NXNL2: variants seen among roughly 807,000 people sequenced by gnomAD.
The protein encoded by NXNL2 is nucleoredoxin-like protein 2.
A neutral mutation model predicts 11.1 loss-of-function variants in NXNL2; 7 were observed. That is an observed-to-expected ratio of 0.63 (90% CI 0.36 to 1.18). NXNL2 has a LOEUF of 1.18. NXNL2 is among the 50% of genes most tolerant of loss of function. The pLI, the probability that NXNL2 is intolerant of heterozygous loss-of-function variation, is 0.02. For synonymous variants in NXNL2, 109 were observed against 101.8 expected, an observed-to-expected ratio of 1.07 and a Z score of -0.42; for missense variants, 233 against 217.7, an observed-to-expected ratio of 1.07 and a Z score of -0.44.
chr9:88,545,993 C>T (rs1829840302), downstream of NXNL2, among the ~76,000 whole-genome samples: 1 of 152,170 alleles, frequency 6.6e-6, no homozygotes, highest in Non-Finnish European at 1.5e-5. Context: ...TCTCGAACTC[C>T]TTACCTCAGG....
chr9:88,557,700 A>G (rs1830035949), intron 1 of NXNL2, among the ~76,000 whole-genome samples: 1 of 152,196 alleles, frequency 6.6e-6, no homozygotes, highest in Admixed American at 6.5e-5. Context: ...TTTCCACCTC[A>G]CACTACCCAG....
Position 88,557,785 on chromosome 9 carries a change from A to G in NXNL2, c.303-13302A>G, listed in dbSNP as rs546135739. Among the ~76,000 whole-genome samples the G allele has an allele frequency of 3.9e-5, 6 of 152,304 alleles. No homozygotes were observed. In the South Asian group the frequency reaches 1.2e-3, roughly 32 times the overall value. On this transcript the variant is annotated intron_variant, in intron 1 of 2. Coordinates refer to the NXNL2 transcript ENST00000375855. The stretch of plus-strand genomic sequence containing the variant: ...TCAGAATCCCTGCAGTCACTCAAGA[A>G]TCTGCAGGTTAGATAGAGCATAATT...
chr9:88,564,995 A>G lies in NXNL2; in HGVS notation c.303-6092A>G, dbSNP rs1469619690. Among the ~76,000 whole-genome samples the G allele has an allele frequency of 3.3e-5, 5 of 152,250 alleles. No individual in the cohort carries two copies. The South Asian group carries it at 1.0e-3, about 32-fold the overall frequency. On this transcript the variant is annotated intron_variant, in intron 1 of 2. Coordinates refer to the NXNL2 transcript ENST00000375855. Reference sequence around the variant, plus strand: ...TCATGTGGCACAGATGAAACTTCATATCCATTGAGTAGCAACCTCCCATTT... The same window carrying G: ...TCATGTGGCACAGATGAAACTTCATGTCCATTGAGTAGCAACCTCCCATTT...
At chr9:88,555,138 A>G (rs1829992280) in intron 1 of NXNL2, among the ~76,000 whole-genome samples, 2 of 152,236 alleles carry the variant, frequency 1.3e-5, no homozygotes, top group Admixed American at 6.5e-5. Context: ...GGCTTTGCAC[A>G]GGAAAGAATT....
chr9:88,571,324 C>A (rs185032238), intron 2 of NXNL2: 8 of 226,208 alleles, frequency 3.5e-5, no homozygotes, highest in Admixed American at 5.5e-5. Flanking sequence ...CTTGCCTCGA[C>A]CTTCCAAGGT....
intron 1 of NXNL2, among the ~76,000 whole-genome samples, chr9:88,563,404 T>G (rs1040964653): frequency 6.6e-6 from 1 of 152,154 alleles, no homozygotes; most frequent in Non-Finnish European, 1.5e-5. Context: ...AGCTGTGGAG[T>G]CATCTCCAGT....
chr9:88,578,172 A>G (rs1830368357), downstream of NXNL2, among the ~76,000 whole-genome samples: 1 of 152,234 alleles, frequency 6.6e-6, no homozygotes, highest in South Asian at 2.1e-4. Context: ...CCAAGAGAAA[A>G]TGGAGTTCCA....
chr9:88,569,577 A>G (rs982435408), intron 1 of NXNL2, among the ~76,000 whole-genome samples: 3 of 152,228 alleles, frequency 2.0e-5, no homozygotes, highest in East Asian at 1.9e-4. Context: ...ATGTTTTGAT[A>G]TCAAGTTTAA....
intron 1 of NXNL2, among the ~76,000 whole-genome samples, chr9:88,568,293 T>C (rs1395194349): frequency 6.6e-6 from 1 of 152,072 alleles, no homozygotes; most frequent in Non-Finnish European, 1.5e-5. Context: ...GGCTACTGAA[T>C]GGGATGGCAC....
chr9:88,575,063 C>A (rs1234852209), intron 2 of NXNL2: 2 of 853,278 alleles, frequency 2.3e-6, no homozygotes, highest in Non-Finnish European at 2.8e-6. Flanking sequence ...CTAAGCTCAC[C>A]CTCCCCTTCT....
chr9:88,570,784 C>T (rs1830249532), intron 1 of NXNL2, among the ~76,000 whole-genome samples: 1 of 152,178 alleles, frequency 6.6e-6, no homozygotes, highest in African/African-American at 2.4e-5. Context: ...ATTCTGTCGC[C>T]CAGGCCAGAG....
intron 1 of NXNL2, among the ~76,000 whole-genome samples, chr9:88,561,217 C>T (rs770922648): frequency 2.0e-4 from 30 of 152,122 alleles, no homozygotes; most frequent in Non-Finnish European, 3.4e-4. Flanking sequence ...AGAGATGGAA[C>T]GGGCCTAGCC....
intron 2 of NXNL2, among the ~76,000 whole-genome samples, chr9:88,573,993 G>T (rs56384229): frequency 0.038 from 5,815 of 152,292 alleles, 234 homozygotes; most frequent in African/African-American, 0.1. Context: ...TGAGGATGTG[G>T]AGCCTCTGGA....
At chr9:88,573,786 G>C (rs1292300086) in intron 2 of NXNL2, among the ~76,000 whole-genome samples, 2 of 152,202 alleles carry the variant, frequency 1.3e-5, no homozygotes, top group Admixed American at 6.5e-5. Context: ...GTTATGTTAT[G>C]AGCATTTTGC....
intron 1 of NXNL2, among the ~76,000 whole-genome samples, chr9:88,539,332 G>A (rs1829698349): frequency 6.6e-6 from 1 of 152,144 alleles, no homozygotes; most frequent in Non-Finnish European, 1.5e-5. Flanking sequence ...TGTCGGACCT[G>A]GGGGTGCTCA....
intron 1 of NXNL2, among the ~76,000 whole-genome samples, chr9:88,570,548 A>G (rs562590813): frequency 1.3e-5 from 2 of 152,372 alleles, no homozygotes; most frequent in South Asian, 2.1e-4. Flanking sequence ...ATCATGCCTC[A>G]GTTTCCTCAT....
chr9:88,556,028 G>A (rs1357083190), intron 1 of NXNL2, among the ~76,000 whole-genome samples: 1 of 152,174 alleles, frequency 6.6e-6, no homozygotes, highest in African/African-American at 2.4e-5. Flanking sequence ...CTGGATGAGG[G>A]CAACACAGTG....
chr9:88,551,974 T>A (rs892793830), intron 1 of NXNL2, among the ~76,000 whole-genome samples: 1 of 152,176 alleles, frequency 6.6e-6, no homozygotes, highest in Admixed American at 6.5e-5. Flanking sequence ...GGTGGTAAGT[T>A]CAATCACTCA....
intron 1 of NXNL2, among the ~76,000 whole-genome samples, chr9:88,582,330 A>G (rs139056231): frequency 0.047 from 7,110 of 152,070 alleles, 535 homozygotes; most frequent in African/African-American, 0.16. Flanking sequence ...TTAGCTGGGC[A>G]TGGTGGCGGG....
Sources: gnomAD v4.1 joint callset for allele counts (sites outside exome capture counted in the v4.1 genomes callset) on GRCh38, gnomAD v4.1.1 for gene constraint, MANE v1.5 for transcripts, NCBI Gene and HGNC (gene_info 2026-07-23, HGNC 2026-07-21) for gene names.